The following MMP24 variants were observed in gnomAD, a reference collection of about 807,000 sequenced individuals.
MMP24 encodes matrix metalloproteinase-24.
Under a neutral mutation model 62.8 loss-of-function variants are expected in MMP24, and 25 were observed. That is an observed-to-expected ratio of 0.40 (90% CI 0.29 to 0.56). The LOEUF (loss-of-function observed/expected upper bound fraction) is 0.56. Ranked by LOEUF, MMP24 falls within the 20% of genes least tolerant of loss-of-function variation. MMP24 has a pLI of 0.50. For synonymous variants in MMP24, 319 were observed against 350.5 expected (o/e 0.91, Z 1.00); for missense variants, 634 against 853.6 (o/e 0.74, Z 3.21).
Position 35,269,649 on chromosome 20 carries a change from A to T in MMP24, c.1195-111A>T, listed in dbSNP as rs2060656141. On this transcript the variant is annotated intron_variant, in intron 6 of 8. Coordinates refer to ENST00000246186, the MANE Select transcript of MMP24 (RefSeq NM_006690.4). The surrounding 1 kb of genome is among the most constrained non-coding windows in gnomAD (Gnocchi z 4.6). ...TTTAAAAGTCAGAAGCAGCTAATGG[A>T]CAGTCTCGGTGGAGGGCTGGGCTGT... The T allele has an allele frequency of 7.7e-7, 1 of 1,305,240 alleles. No homozygotes were observed. Among genetic ancestry groups the T allele is most frequent in the Non-Finnish European group, 1.0e-6 (1 of 966,822 alleles). The allele number at this position is 1,305,240 out of a possible 1,614,324, so 80.9% of individuals were successfully genotyped here.
At position 35,263,820 on chromosome 20, in the gene MMP24, G is replaced by T; in HGVS notation, c.847G>T (p.Glu283Ter). ...GNDLFLVAVH[E>*]LGHALGLEHS... is the part of the protein sequence containing the mutation. Reference sequence around the variant, plus strand: ...CGACCTCTTCCTGGTGGCTGTGCATGAGCTGGGCCACGCGCTGGGACTGGA... The same window carrying T: ...CGACCTCTTCCTGGTGGCTGTGCATTAGCTGGGCCACGCGCTGGGACTGGA... Residue 283 changes from glutamate (E) to a stop codon, truncating the protein, a stop_gained, in exon 5 of 9, where the codon GAG (glutamate) becomes TAG (stop). Transcript: ENST00000246186. LOFTEE classifies it high-confidence loss of function. 1 of 1,596,862 alleles carries T rather than the reference G, an allele frequency of 6.3e-7. No individual in the cohort carries two copies.
Position 35,236,973 on chromosome 20 carries a change from C to CAA in MMP24, c.247-9846_247-9845dup, listed in dbSNP as rs10710875. Among the ~76,000 whole-genome samples, 210 of 76,360 alleles carry CAA rather than the reference C, an allele frequency of 2.8e-3. 1 individual carries two copies. Among genetic ancestry groups the CAA allele is most frequent in the African/African-American group, 7.3e-3 (171 of 23,280 alleles). 50.1% of individuals were successfully genotyped at this position (76,360 alleles called of 152,430 possible). On this transcript the variant is annotated intron_variant, in intron 1 of 8. Transcript: ENST00000246186. ...TGTGCGACAGAGCGAGACACCATCT[C>CAA]AAAAAAAAAAAAAAAAAAAAAATCA...
Position 35,271,899 on chromosome 20 carries a change from C to A in MMP24, c.1600+64C>A. On this transcript the variant is annotated intron_variant, in intron 8 of 8. Transcript: ENST00000246186. The surrounding 1 kb of genome is among the most constrained non-coding windows in gnomAD (Gnocchi z 4.0). ...GTTTTATGTGGTCCTCACCAGTGCC[C>A]ACGGGCATACTCAGTGCCCATGGGC... The A allele has an allele frequency of 6.6e-7, 1 of 1,519,112 alleles. No homozygotes were observed. The highest frequency in any genetic ancestry group is 8.8e-7 in the Non-Finnish European group (1 of 1,135,914). 94.1% of individuals were successfully genotyped at this position (1,519,112 alleles called of 1,614,324 possible). A position where few individuals can be genotyped will look rare whatever the true frequency, so the allele number is the denominator to read the frequency against.
intron 3 of MMP24, among the ~76,000 whole-genome samples, chr20:35,253,868 G>GTTTTTTTTTT (rs11474068): frequency 3.5e-4 from 45 of 130,088 alleles, no homozygotes; most frequent in African/African-American, 7.5e-4. Flanking sequence ...TTTCCTTTGG[G>GTTTTTTTTTT]TTTTTTTTTT....
At chr20:35,264,521 A>G (rs2060621134) in intron 5 of MMP24, among the ~76,000 whole-genome samples, 1 of 151,864 alleles carries the variant, frequency 6.6e-6, no homozygotes, top group Non-Finnish European at 1.5e-5. Context: ...GTGAAACCCC[A>G]TCTCTACCAA....
chr20:35,249,566 C>T (rs530939664), intron 2 of MMP24, among the ~76,000 whole-genome samples: 51 of 152,152 alleles, frequency 3.4e-4, no homozygotes, highest in African/African-American at 1.2e-3. Context: ...TTGTTTCCCT[C>T]ATCTGTGAAA....
At chr20:35,248,820 C>T (rs796382327) in intron 2 of MMP24, among the ~76,000 whole-genome samples, 1 of 152,136 alleles carries the variant, frequency 6.6e-6, no homozygotes, top group Non-Finnish European at 1.5e-5. Flanking sequence ...CCTTTCAAAG[C>T]GGAGGTTATT....
chr20:35,240,049 G>A (rs1344143167), intron 1 of MMP24, among the ~76,000 whole-genome samples: 5 of 152,150 alleles, frequency 3.3e-5, no homozygotes, highest in South Asian at 2.1e-4. Flanking sequence ...CTGACCGTAC[G>A]GAATATGCCT....
intron 4 of MMP24, chr20:35,262,713 C>A (rs1287125240): frequency 6.9e-6 from 1 of 145,322 alleles, no homozygotes; most frequent in East Asian, 1.9e-4. Flanking sequence ...TTTCCCTTCC[C>A]ACGAGGCCAT....
chr20:35,272,984 TCA>T (rs201537949), intron 8 of MMP24, among the ~76,000 whole-genome samples: 2,230 of 152,314 alleles, frequency 0.015, 45 homozygotes, highest in African/African-American at 0.051. Context: ...ATCATGGGTT[TCA>T]GTTTATGTGG....
At chr20:35,241,415 G>A (rs940556624) in intron 1 of MMP24, among the ~76,000 whole-genome samples, 1 of 152,120 alleles carries the variant, frequency 6.6e-6, no homozygotes, top group African/African-American at 2.4e-5. Flanking sequence ...GCCCTTCTAG[G>A]AGTGTGCCCC....
intron 5 of MMP24, among the ~76,000 whole-genome samples, chr20:35,264,466 C>G (rs1379734337): frequency 2.6e-5 from 4 of 151,884 alleles, no homozygotes; most frequent in Non-Finnish European, 5.9e-5. Flanking sequence ...CTGAGGCAGG[C>G]AGGTCACTTG....
chr20:35,243,127 C>T (rs113043392), intron 1 of MMP24, among the ~76,000 whole-genome samples: 11 of 151,592 alleles, frequency 7.3e-5, no homozygotes, highest in African/African-American at 2.2e-4. Context: ...TGCAGTGAGC[C>T]GAGATCACAC....
In MMP24 at chr20:35,274,507, C is replaced by T. The variant is rs756074472; in HGVS notation, c.1836C>T (p.Ser612=). 1 of 1,613,988 alleles carries T rather than the reference C, an allele frequency of 6.2e-7. No homozygotes were observed. Among genetic ancestry groups the T allele is most frequent in the Non-Finnish European group, 8.5e-7 (1 of 1,179,880 alleles). The stretch of plus-strand genomic sequence containing the variant: ...CCGTGGTCATCCCCTGCATCCTGTC[C>T]CTCTGCATCCTGGTGCTGGTCTACA... ...AVAVVIPCIL[S]LCILVLVYTI... Residue 612 remains serine, a synonymous_variant, in exon 9 of 9, where the codon TCC becomes TCT. Transcript: ENST00000246186. This position sits in a 1 kb window ranked among gnomAD's most constrained non-coding sequence, Gnocchi z 5.1.
At chr20:35,249,285 A>T (rs1308099440) in intron 2 of MMP24, among the ~76,000 whole-genome samples, 1 of 152,076 alleles carries the variant, frequency 6.6e-6, no homozygotes, top group Non-Finnish European at 1.5e-5. Context: ...CTTCCCAGGG[A>T]CTGTTAATTA....
chr20:35,251,116 C>CTTTTTTTTTT (rs59317276), intron 2 of MMP24, among the ~76,000 whole-genome samples: 3 of 138,812 alleles, frequency 2.2e-5, no homozygotes, highest in African/African-American at 8.1e-5. Flanking sequence ...TAAGCCACTT[C>CTTTTTTTTTT]TTTTTTTTTT....
intron 5 of MMP24, among the ~76,000 whole-genome samples, chr20:35,266,308 C>T (rs144199548): frequency 0.027 from 3,841 of 144,820 alleles, 103 homozygotes; most frequent in African/African-American, 0.067. Flanking sequence ...GCTTAGATCA[C>T]GCCACTGCAC....
chr20:35,247,473 TC>T (rs2146212054), intron 2 of MMP24, among the ~76,000 whole-genome samples: 1 of 152,192 alleles, frequency 6.6e-6, no homozygotes, highest in Non-Finnish European at 1.5e-5. Flanking sequence ...ACAAATACAG[TC>T]ATCTAGCCAC....
In MMP24 at chr20:35,276,306, AG is replaced by A. The variant is rs2060705512; in HGVS notation, c.*1700del. The A allele has an allele frequency of 1.8e-5, 7 of 399,138 alleles. No homozygotes were observed. Among genetic ancestry groups the A allele is most frequent in the Non-Finnish European group, 2.7e-5 (6 of 226,090 alleles). The allele number at this position is 399,138 out of a possible 1,614,324, so 24.7% of individuals were successfully genotyped here. ...CAAGGGCAGGCTCCCTGGGACAGGC[AG>A]GGAACAACTGCGGAGATATTAGTGA... On this transcript the variant is annotated 3_prime_UTR_variant, in exon 9 of 9. Transcript: ENST00000246186.
Sources: allele counts gnomAD v4.1 joint callset (sites outside exome capture counted in the v4.1 genomes callset), GRCh38; gene constraint gnomAD v4.1.1; non-coding constraint Gnocchi (gnomAD v3.1); transcripts MANE v1.5; gene names NCBI Gene and HGNC (gene_info 2026-07-23, HGNC 2026-07-21).